FBXW7: variants seen among roughly 807,000 people sequenced by gnomAD.
The protein encoded by FBXW7 is F-box/WD repeat-containing protein 7.
Under a neutral mutation model 86.3 loss-of-function variants are expected in FBXW7, and 11 were observed. The ratio of observed to expected loss-of-function variants is 0.13; its 90% CI spans 0.08 to 0.21. The LOEUF (loss-of-function observed/expected upper bound fraction) is 0.21. FBXW7 is among the 10% of genes least tolerant of loss of function. FBXW7 has a pLI of 1.00. For missense variants in FBXW7, 488 were observed against 847.4 expected (o/e 0.58, Z 5.27); for synonymous variants, 313 against 297.9 (o/e 1.05, Z -0.52).
intron 2 of FBXW7, among the ~76,000 whole-genome samples, chr4:152,459,094 G>GC (rs1742699241): frequency 6.6e-6 from 1 of 152,062 alleles, no homozygotes; most frequent in Admixed American, 6.5e-5. Context: ...GAGGTGAGGA[G>GC]CCCTGCCTAG....
intron 2 of FBXW7, among the ~76,000 whole-genome samples, chr4:152,432,081 C>A (rs966884367): frequency 6.6e-5 from 10 of 152,204 alleles, no homozygotes; most frequent in African/African-American, 2.4e-4. Context: ...CTCAAATGTG[C>A]TTCCTTCTAG....
intron 2 of FBXW7, among the ~76,000 whole-genome samples, chr4:152,499,430 T>C (rs1447966119): frequency 6.6e-6 from 1 of 152,160 alleles, no homozygotes; most frequent in Admixed American, 6.5e-5. Flanking sequence ...GAGAGGCTAT[T>C]TGAAATGAGA....
At chr4:152,330,085 C>T (rs1729407564) in intron 9 of FBXW7, among the ~76,000 whole-genome samples, 1 of 151,686 alleles carries the variant, frequency 6.6e-6, no homozygotes. Context: ...TCTGTTCAAA[C>T]CAGAAGAATA....
At chr4:152,434,872 T>C (rs1285518770) in intron 2 of FBXW7, among the ~76,000 whole-genome samples, 1 of 152,158 alleles carries the variant, frequency 6.6e-6, no homozygotes, top group Non-Finnish European at 1.5e-5. Context: ...GTTTAGATTT[T>C]ATCCTACAGA....
chr4:152,524,671 G>A lies in FBXW7; in HGVS notation c.-120+10270C>T, dbSNP rs534604738. ...TCCGGAGCCACTCTCCCTGATATCT[G>A]CCTCTTCTTTCCTCCCTCCTTTACT... On this transcript the variant is annotated intron_variant, in intron 2 of 13. Transcript: ENST00000281708. Among the ~76,000 whole-genome samples the A allele has an allele frequency of 9.9e-5, 15 of 152,102 alleles. No homozygotes were observed. The South Asian group carries it at 2.7e-3, about 27-fold the overall frequency.
intron 2 of FBXW7, among the ~76,000 whole-genome samples, chr4:152,510,873 A>G (rs1747897205): frequency 6.6e-6 from 1 of 152,142 alleles, no homozygotes; most frequent in African/African-American, 2.4e-5. Flanking sequence ...AAATGAATAG[A>G]AAGTTGCTGC....
At chr4:152,455,770 C>T (rs1284761523) in intron 2 of FBXW7, among the ~76,000 whole-genome samples, 7 of 152,172 alleles carry the variant, frequency 4.6e-5, no homozygotes, top group African/African-American at 1.7e-4. Flanking sequence ...TTCCCTTCAT[C>T]TTCAAAGCAC....
At chr4:152,518,026 T>C (rs932065419) in intron 2 of FBXW7, among the ~76,000 whole-genome samples, 23 of 152,338 alleles carry the variant, frequency 1.5e-4, no homozygotes, top group African/African-American at 5.3e-4. Context: ...TCTCGCTGTG[T>C]CGCCCAGGCT....
At chr4:152,372,288 G>A (rs572513844) in intron 4 of FBXW7, among the ~76,000 whole-genome samples, 145 of 152,050 alleles carry the variant, frequency 9.5e-4, no homozygotes, top group African/African-American at 3.4e-3. Flanking sequence ...ACATTTCAAA[G>A]TGTGTTCAGT....
intron 6 of FBXW7, among the ~76,000 whole-genome samples, chr4:152,342,345 C>T (rs1275653369): frequency 6.6e-6 from 1 of 152,180 alleles, no homozygotes; most frequent in African/African-American, 2.4e-5. Flanking sequence ...TCTCAGAGAA[C>T]CCACCTACAC....
chr4:152,473,356 T>A (rs938012913), intron 2 of FBXW7, among the ~76,000 whole-genome samples: 5 of 152,260 alleles, frequency 3.3e-5, no homozygotes, highest in Admixed American at 3.3e-4. Context: ...TAGTAAGATG[T>A]TGATTTCAAA....
At chr4:152,347,803 G>C (rs1731413312) in intron 5 of FBXW7, among the ~76,000 whole-genome samples, 1 of 152,016 alleles carries the variant, frequency 6.6e-6, no homozygotes, top group Non-Finnish European at 1.5e-5. Flanking sequence ...CTAGTAAAAT[G>C]AGGACGACTA....
chr4:152,492,040 T>G (rs1745904751), intron 2 of FBXW7, among the ~76,000 whole-genome samples: 1 of 152,214 alleles, frequency 6.6e-6, no homozygotes, highest in African/African-American at 2.4e-5. Context: ...CCCTCCCAGT[T>G]GAATATCACC....
At chr4:152,472,999 C>T (rs1744093266) in intron 2 of FBXW7, among the ~76,000 whole-genome samples, 1 of 152,060 alleles carries the variant, frequency 6.6e-6, no homozygotes, top group Admixed American at 6.5e-5. Context: ...TTATTATTTT[C>T]TACTAATGAT....
intron 2 of FBXW7, among the ~76,000 whole-genome samples, chr4:152,506,178 C>T (rs938678691): frequency 7.2e-5 from 11 of 152,012 alleles, no homozygotes; most frequent in Non-Finnish European, 1.3e-4. Flanking sequence ...GTCACCCAGG[C>T]GGGAGTGCGG....
rs114819746 is a variant in FBXW7, at chr4:152,481,424, T to C, written c.-120+53517A>G. On this transcript the variant is annotated intron_variant, in intron 2 of 13. Transcript: ENST00000281708. ...AGATATACCAGAAGACTCATGTTGT[T>C]TTCATGCCTGCTACCACCACATCCA... Among the ~76,000 whole-genome samples, 648 of 152,342 alleles carry C rather than the reference T, an allele frequency of 4.3e-3. 5 individuals carry two copies. The highest frequency in any genetic ancestry group is 0.015 in the African/African-American group (608 of 41,584).
chr4:152,397,484 T>C lies in FBXW7; in HGVS notation c.501+13819A>G, dbSNP rs1000424031. Among the ~76,000 whole-genome samples the C allele has an allele frequency of 4.6e-5, 7 of 151,984 alleles. No individual in the cohort carries two copies. The East Asian group carries it at 1.2e-3, about 25-fold the overall frequency. Reference sequence around the variant, plus strand: ...GGCTAGAGTACTGTAGTACTATCACTGCAGCCTCAAACTCCTGGGCTCAAA... The same window carrying C: ...GGCTAGAGTACTGTAGTACTATCACCGCAGCCTCAAACTCCTGGGCTCAAA... On this transcript the variant is annotated intron_variant, in intron 4 of 13. Transcript: ENST00000281708.
At chr4:152,521,449 T>C (rs1007707459) in intron 2 of FBXW7, among the ~76,000 whole-genome samples, 3 of 152,148 alleles carry the variant, frequency 2.0e-5, no homozygotes, top group East Asian at 1.9e-4. Context: ...TTAAAGTACA[T>C]ACATGCTGTA....
At chr4:152,490,455 T>C (rs912066062) in intron 2 of FBXW7, among the ~76,000 whole-genome samples, 42 of 152,194 alleles carry the variant, frequency 2.8e-4, no homozygotes, top group African/African-American at 9.9e-4. Flanking sequence ...GCATTACATA[T>C]ACTACCTCAA....
Sources: allele counts gnomAD v4.1 joint callset (sites outside exome capture counted in the v4.1 genomes callset), GRCh38; gene constraint gnomAD v4.1.1; transcripts MANE v1.5; gene names NCBI Gene and HGNC (gene_info 2026-07-23, HGNC 2026-07-21).